The following SLC1A1 variants were observed in gnomAD, a reference collection of about 807,000 sequenced individuals.
The protein encoded by SLC1A1 is solute carrier family 1 member 1.
SLC1A1 carries 43 observed loss-of-function variants against 53.3 expected under a neutral mutation model. The ratio of observed to expected loss-of-function variants is 0.81; its 90% CI spans 0.63 to 1.04. The LOEUF (loss-of-function observed/expected upper bound fraction) is 1.04, where lower values mean the gene tolerates loss of function less well. SLC1A1 is among the 50% of genes least tolerant of loss of function. The pLI, the probability that SLC1A1 is intolerant of heterozygous loss-of-function variation, is 0.00. For missense variants in SLC1A1, 748 were observed against 664.9 expected (o/e 1.12, Z -1.37); for synonymous variants, 307 against 243.2 (o/e 1.26, Z -2.44).
intron 1 of SLC1A1, among the ~76,000 whole-genome samples, chr9:4,502,844 C>T (rs2082931969): frequency 6.6e-6 from 1 of 151,728 alleles, no homozygotes; most frequent in African/African-American, 2.4e-5. Context: ...TTGCTTCATC[C>T]TTTCTCAGTC....
chr9:4,511,588 C>T (rs1009342615), intron 1 of SLC1A1, among the ~76,000 whole-genome samples: 18 of 151,822 alleles, frequency 1.2e-4, no homozygotes, highest in African/African-American at 4.1e-4. Context: ...CACACACACA[C>T]ACACACACAC....
chr9:4,565,909 G>C, intron 4 of SLC1A1, 138 bp from the exon 5 acceptor site: 2 of 748,750 alleles, frequency 2.7e-6, no homozygotes, highest in Non-Finnish European at 4.8e-6. Flanking sequence ...TCAATACAAG[G>C]AAGTATTACG....
chr9:4,517,801 C>G (rs1395162580), intron 1 of SLC1A1, among the ~76,000 whole-genome samples: 1 of 152,168 alleles, frequency 6.6e-6, no homozygotes, highest in African/African-American at 2.4e-5. Flanking sequence ...GGGGCTTGGG[C>G]AGAGACATCA....
chr9:4,558,354 T>G (rs1004348636), intron 2 of SLC1A1, among the ~76,000 whole-genome samples: 6 of 152,162 alleles, frequency 3.9e-5, no homozygotes, highest in African/African-American at 1.4e-4. Flanking sequence ...GAGGTAGAGG[T>G]AACTATACAG....
intron 1 of SLC1A1, among the ~76,000 whole-genome samples, chr9:4,509,207 T>A (rs1330331355): frequency 2.0e-5 from 3 of 152,038 alleles, no homozygotes; most frequent in African/African-American, 7.2e-5. Flanking sequence ...GGAGCATCTT[T>A]AAGAAATAGC....
chr9:4,570,143 C>G (rs527537873), intron 6 of SLC1A1, among the ~76,000 whole-genome samples: 1 of 152,298 alleles, frequency 6.6e-6, no homozygotes, highest in African/African-American at 2.4e-5. Flanking sequence ...ACCTTGAAAC[C>G]CACATTCATG....
In SLC1A1 at chr9:4,564,405, G is replaced by A. The variant is rs1182192713; in HGVS notation, c.387G>A (p.Arg129=). ...CCCAGAAAGTGGGTGAAATTGCGAGGACAGGCAGCACCCCTGAAGTCAGTA... is the reference window on the plus strand; with the variant it reads ...CCCAGAAAGTGGGTGAAATTGCGAGAACAGGCAGCACCCCTGAAGTCAGTA... ...GVTQKVGEIA[R]TGSTPEVSTV... Residue 129 remains arginine, a synonymous_variant, in exon 4 of 12, where the codon AGG becomes AGA. Coordinates refer to ENST00000262352, the MANE Select transcript of SLC1A1 (RefSeq NM_004170.6). 1.2e-6 allele frequency: 2 copies of A among 1,613,794 alleles called. No individual in the cohort carries two copies. Among genetic ancestry groups the A allele is most frequent in the Non-Finnish European group, 1.7e-6 (2 of 1,179,940 alleles).
chr9:4,553,222 A>G (rs1224748818), intron 2 of SLC1A1, among the ~76,000 whole-genome samples: 2 of 152,176 alleles, frequency 1.3e-5, no homozygotes, highest in Non-Finnish European at 2.9e-5. Flanking sequence ...CTTTTACTGG[A>G]CAATAAGTTC....
chr9:4,580,652 T>TGTGTAC (rs1226237115), intron 10 of SLC1A1, among the ~76,000 whole-genome samples: 5 of 79,160 alleles, frequency 6.3e-5, no homozygotes, highest in African/African-American at 2.3e-4. Context: ...TGTGTGTGTG[T>TGTGTAC]ATAAGGAATA....
At chr9:4,552,963 A>G (rs1564030087) in intron 2 of SLC1A1, among the ~76,000 whole-genome samples, 1 of 152,152 alleles carries the variant, frequency 6.6e-6, no homozygotes, top group East Asian at 1.9e-4. Flanking sequence ...AATGAGAACA[A>G]TATAAAAAGA....
At chr9:4,572,914 A>G (rs1564057669) in intron 7 of SLC1A1, among the ~76,000 whole-genome samples, 1 of 152,292 alleles carries the variant, frequency 6.6e-6, no homozygotes, top group South Asian at 2.1e-4. Context: ...AAGTCTAGCT[A>G]TCAACCATTG....
chr9:4,517,114 A>G (rs1276167429), intron 1 of SLC1A1, among the ~76,000 whole-genome samples: 4 of 152,176 alleles, frequency 2.6e-5, no homozygotes, highest in Non-Finnish European at 5.9e-5. Flanking sequence ...ACGTATTATA[A>G]AAGTGTTTGG....
At chr9:4,496,044 C>G (rs1030266837) in intron 1 of SLC1A1, among the ~76,000 whole-genome samples, 6 of 152,116 alleles carry the variant, frequency 3.9e-5, no homozygotes, top group Non-Finnish European at 8.8e-5. Context: ...CTTAAGACAG[C>G]ATGTCAGGGA....
intron 5 of SLC1A1, among the ~76,000 whole-genome samples, chr9:4,566,694 A>AT (rs962477183): frequency 7.9e-5 from 12 of 152,050 alleles, no homozygotes; most frequent in African/African-American, 1.7e-4. Flanking sequence ...AAAAGAAATA[A>AT]TTTAAAAAAA....
intron 1 of SLC1A1, among the ~76,000 whole-genome samples, chr9:4,506,266 T>C (rs146034385): frequency 6.6e-6 from 1 of 152,338 alleles, no homozygotes; most frequent in African/African-American, 2.4e-5. Flanking sequence ...CAAATTACTA[T>C]GAAATTCTAT....
chr9:4,538,153 C>T (rs1816746727), intron 1 of SLC1A1, among the ~76,000 whole-genome samples: 1 of 152,114 alleles, frequency 6.6e-6, no homozygotes, highest in Non-Finnish European at 1.5e-5. Flanking sequence ...AAGGACTCAC[C>T]TGTGACAGCC....
rs142962194 is a variant in SLC1A1 at position 4,490,691 on chromosome 9, G to C, written c.12G>C (p.Pro4=). 3.1e-6 allele frequency: 5 copies of C among 1,612,686 alleles called. No homozygotes were observed. The highest frequency in any genetic ancestry group is 1.7e-4 in the Middle Eastern group (1 of 6,054). MGK[P]ARKGCEWKRF... Reference sequence around the variant, plus strand: ...TAGCGGCGACAGCCATGGGGAAACCGGCGAGGAAAGGATGCGAGTGGAAGC... The same window carrying C: ...TAGCGGCGACAGCCATGGGGAAACCCGCGAGGAAAGGATGCGAGTGGAAGC... Residue 4 remains proline (P), a synonymous_variant, in exon 1 of 12, where the codon CCG becomes CCC. Coordinates refer to ENST00000262352, the MANE Select transcript of SLC1A1 (RefSeq NM_004170.6).
chr9:4,576,501 A>C, intron 9 of SLC1A1, 68 bp from the exon 10 acceptor site: 1 of 1,287,568 alleles, frequency 7.8e-7, no homozygotes, highest in Non-Finnish European at 1.1e-6. Context: ...GAAGACAGGC[A>C]TGTCTTCAGG....
At chr9:4,558,739 TC>T (rs548645507) in intron 2 of SLC1A1, among the ~76,000 whole-genome samples, 47 of 152,124 alleles carry the variant, frequency 3.1e-4, no homozygotes, top group South Asian at 6.3e-4. Flanking sequence ...ACCAAACACA[TC>T]CCCGAGAACA....
Sources: allele counts gnomAD v4.1 joint callset (sites outside exome capture counted in the v4.1 genomes callset), GRCh38; gene constraint gnomAD v4.1.1; transcripts MANE v1.5; gene names NCBI Gene and HGNC (gene_info 2026-07-23, HGNC 2026-07-21).